Variants in FANCC observed in about 807,000 individuals in gnomAD.
FANCC encodes the protein Fanconi anemia group C protein.
In FANCC, 55 loss-of-function variants were observed where a neutral mutation model predicts 71.3. The ratio of observed to expected loss-of-function variants is 0.77; its 90% CI spans 0.62 to 0.97. The LOEUF (loss-of-function observed/expected upper bound fraction) is 0.97, where lower values mean the gene tolerates loss of function less well. Among genes scored for constraint, FANCC ranks in the 50% least tolerant of loss-of-function variants. The probability of loss-of-function intolerance (pLI) is 0.00; values close to 1 mark genes in which losing one functional copy is unlikely to be tolerated. For missense variants in FANCC, 678 were observed against 670.9 expected (o/e 1.01, Z -0.12); for synonymous variants, 275 against 244.9 (o/e 1.12, Z -1.15).
intron 4 of FANCC, among the ~76,000 whole-genome samples, chr9:95,224,103 A>C (rs1305930175): frequency 6.6e-6 from 1 of 152,230 alleles, no homozygotes; most frequent in Non-Finnish European, 1.5e-5. Context: ...GATGTACCAC[A>C]GATTACATAT....
At chr9:95,173,092 C>T (rs1039523889) in intron 4 of FANCC, among the ~76,000 whole-genome samples, 17 of 152,108 alleles carry the variant, frequency 1.1e-4, no homozygotes, top group African/African-American at 4.1e-4. Context: ...AATGTTCATC[C>T]TCCATAATCA....
intron 7 of FANCC, among the ~76,000 whole-genome samples, chr9:95,138,047 G>A (rs1226905518): frequency 6.6e-6 from 1 of 152,240 alleles, no homozygotes; most frequent in East Asian, 1.9e-4. Flanking sequence ...AGAGGAGTGG[G>A]AAAGGCTGAA....
At chr9:95,166,937 T>C (rs1263067063) in intron 6 of FANCC, among the ~76,000 whole-genome samples, 1 of 152,222 alleles carries the variant, frequency 6.6e-6, no homozygotes, top group Admixed American at 6.5e-5. Flanking sequence ...GCTAATATTC[T>C]TTCATTTCAA....
Position 95,149,937 on chromosome 9 carries a change from G to A in FANCC, c.672C>T (p.Asn224=), listed in dbSNP as rs150647141. Residue 224 remains asparagine, a synonymous_variant, in exon 7 of 15, where the codon AAC becomes AAT. Coordinates refer to ENST00000289081, the MANE Select transcript of FANCC (RefSeq NM_000136.3). The stretch of plus-strand genomic sequence containing the variant: ...TTGCCACTTACAGCAAAATGGCCTC[G>A]TTTACAGCCTCAAAGAACTCTGGCT... ...ILQPEFFEAV[N]EAILLKKISL... The A allele has an allele frequency of 8.4e-5, 135 of 1,605,808 alleles. No homozygotes were observed. In the African/African-American group the frequency reaches 1.5e-3, roughly 17 times the overall value.
At chr9:95,189,475 C>G (rs1230142500) in intron 4 of FANCC, among the ~76,000 whole-genome samples, 3 of 152,122 alleles carry the variant, frequency 2.0e-5, no homozygotes, top group African/African-American at 7.2e-5. Flanking sequence ...ATAACAAAGT[C>G]TGCAGCTTTT....
chr9:95,142,557 G>T (rs968096275), intron 7 of FANCC: 1 of 152,194 alleles, frequency 6.6e-6, no homozygotes, highest in Non-Finnish European at 1.5e-5. Context: ...TGGTTACGGG[G>T]TATTTACTGT....
intron 4 of FANCC, among the ~76,000 whole-genome samples, chr9:95,178,716 C>T (rs1826165921): frequency 6.6e-6 from 1 of 152,254 alleles, no homozygotes; most frequent in South Asian, 2.1e-4. Context: ...AACACACGGA[C>T]ACAGCACCCA....
At chr9:95,152,925 T>C (rs539359193) in intron 6 of FANCC, among the ~76,000 whole-genome samples, 2 of 152,236 alleles carry the variant, frequency 1.3e-5, no homozygotes, top group East Asian at 1.9e-4. Flanking sequence ...ATACCAACGA[T>C]AGTTGATGAG....
At chr9:95,216,120 A>G (rs1179207791) in intron 4 of FANCC, among the ~76,000 whole-genome samples, 2 of 152,242 alleles carry the variant, frequency 1.3e-5, no homozygotes, top group Non-Finnish European at 2.9e-5. Flanking sequence ...CTTTAAAGAC[A>G]CAAGTAAGTT....
At chr9:95,101,949 G>T in intron 14 of FANCC, 99 bp from the exon 15 acceptor site, 1 of 1,353,424 alleles carries the variant, frequency 7.4e-7, no homozygotes. Flanking sequence ...CCTGAAAGAA[G>T]CCCTATCCAG....
At chr9:95,297,953 A>G (rs1834487227) in intron 1 of FANCC, among the ~76,000 whole-genome samples, 1 of 152,202 alleles carries the variant, frequency 6.6e-6, no homozygotes, top group African/African-American at 2.4e-5. Context: ...AAAACAGAGT[A>G]AGGACTCTGG....
chr9:95,287,321 T>G (rs1833749176), intron 1 of FANCC, among the ~76,000 whole-genome samples: 1 of 152,214 alleles, frequency 6.6e-6, no homozygotes, highest in Non-Finnish European at 1.5e-5. Context: ...AGCAAAAATT[T>G]TCAACAACCT....
intron 4 of FANCC, among the ~76,000 whole-genome samples, chr9:95,211,091 T>C (rs1219960656): frequency 6.6e-6 from 1 of 152,202 alleles, no homozygotes. Context: ...TACAGAAAAC[T>C]AGAAAACTGA....
intron 1 of FANCC, among the ~76,000 whole-genome samples, chr9:95,253,150 T>C (rs1379139721): frequency 2.6e-5 from 4 of 152,216 alleles, no homozygotes; most frequent in African/African-American, 9.7e-5. Context: ...AATCATGCAG[T>C]GCACTGATCC....
rs1255712408 is a variant in FANCC at position 95,100,128 on chromosome 9, C to T, written c.*1579G>A. 1 of 232,596 alleles carries T rather than the reference C, an allele frequency of 4.3e-6. No homozygotes were observed. The highest frequency in any genetic ancestry group is 2.2e-5 in the African/African-American group (1 of 45,316). The allele number at this position is 232,596 out of a possible 1,614,324, so 14.4% of individuals were successfully genotyped here. The stretch of plus-strand genomic sequence containing the variant: ...CCCTCAACTCCAGTGAAGCATGCAG[C>T]TCCTTTTTCAACCCCAACACCTCTG... On this transcript the variant is annotated 3_prime_UTR_variant, in exon 15 of 15. Coordinates refer to ENST00000289081, the MANE Select transcript of FANCC (RefSeq NM_000136.3).
At chr9:95,143,933 G>A (rs934561329) in intron 7 of FANCC, among the ~76,000 whole-genome samples, 16 of 152,234 alleles carry the variant, frequency 1.1e-4, no homozygotes, top group African/African-American at 3.9e-4. Flanking sequence ...AGCATCTGCT[G>A]TTTAAAAGAC....
At chr9:95,292,633 C>T (rs1409858798) in intron 1 of FANCC, 17 of 1,409,818 alleles carry the variant, frequency 1.2e-5, no homozygotes, top group African/African-American at 2.8e-5. Flanking sequence ...AACAGCCCCG[C>T]GCTCAACATG....
chr9:95,292,565 C>A (rs1413538197), intron 1 of FANCC: 2 of 1,481,744 alleles, frequency 1.3e-6, no homozygotes, highest in Non-Finnish European at 9.3e-7. Flanking sequence ...GCGAGCTGTC[C>A]CAGACCACAT....
Position 95,247,487 on chromosome 9 carries a change from G to A in FANCC, c.195C>T (p.Pro65=). Residue 65 remains proline (P), a synonymous_variant, in exon 3 of 15, where the codon CCC becomes CCT. Coordinates refer to ENST00000289081, the MANE Select transcript of FANCC (RefSeq NM_000136.3). Reference sequence around the variant, plus strand: ...CTTTTGCCAACAGTTGACCAATTGTGGGGAATCTTTCAATGACTGTATTAG... The same window carrying A: ...CTTTTGCCAACAGTTGACCAATTGTAGGGAATCTTTCAATGACTGTATTAG... The part of the protein sequence containing the change: ...MDSNTVIERF[P]TIGQLLAKAC... 1 of 1,613,634 alleles carries A rather than the reference G, an allele frequency of 6.2e-7. No individual in the cohort carries two copies. Among genetic ancestry groups the A allele is most frequent in the Non-Finnish European group, 8.5e-7 (1 of 1,179,732 alleles).
Sources: gnomAD v4.1 joint callset for allele counts (sites outside exome capture counted in the v4.1 genomes callset) on GRCh38, gnomAD v4.1.1 for gene constraint, MANE v1.5 for transcripts, NCBI Gene and HGNC (gene_info 2026-07-23, HGNC 2026-07-21) for gene names.